Variants in SEC14L2 observed in about 807,000 individuals in gnomAD.
SEC14L2 encodes SEC14 like lipid binding 2.
In SEC14L2, 50 loss-of-function variants were observed where a neutral mutation model predicts 56.9. The ratio of observed to expected loss-of-function variants is 0.88; its 90% CI spans 0.70 to 1.11. SEC14L2 has a LOEUF of 1.11. Ranked by LOEUF, SEC14L2 falls within the 50% of genes most tolerant of loss-of-function variation. SEC14L2 has a pLI of 0.00. For missense variants in SEC14L2, 414 were observed against 500.7 expected (o/e 0.83, Z 1.65); for synonymous variants, 179 against 188.5 (o/e 0.95, Z 0.41).
At chr22:30,402,986 G>A (rs1437226055) in intron 2 of SEC14L2, among the ~76,000 whole-genome samples, 1 of 152,034 alleles carries the variant, frequency 6.6e-6, no homozygotes, top group East Asian at 1.9e-4. Flanking sequence ...AGGCCGAGGT[G>A]GGAAGTCACT....
At chr22:30,420,333 G>A (rs908622456) in intron 11 of SEC14L2, among the ~76,000 whole-genome samples, 1 of 152,166 alleles carries the variant, frequency 6.6e-6, no homozygotes, top group Admixed American at 6.5e-5. Flanking sequence ...AGGGTGTCTG[G>A]GGGCTCTGTG....
At chr22:30,409,354 C>T in intron 6 of SEC14L2, 72 bp downstream of exon 6, 1 of 1,604,088 alleles carries the variant, frequency 6.2e-7, no homozygotes, top group Non-Finnish European at 8.5e-7. Flanking sequence ...CCTAGGCTGT[C>T]CTGTGGGATG....
Position 30,422,490 on chromosome 22 carries a change from C to A in SEC14L2, c.*83C>A. The A allele has an allele frequency of 6.4e-7, 1 of 1,552,062 alleles. No individual in the cohort carries two copies. Among genetic ancestry groups the A allele is most frequent in the East Asian group, 2.3e-5 (1 of 44,274 alleles). On this transcript the variant is annotated 3_prime_UTR_variant, in exon 12 of 12. Transcript: ENST00000615189. The stretch of plus-strand genomic sequence containing the variant: ...TTGTAGCAGTCATTTTCGCACAACC[C>A]TGAAGCCCAAAGAAACTGGGCTGGA...
chr22:30,399,513 C>CAAAAAAAAAAA (rs60817387), intron 1 of SEC14L2, 130 bp from the exon 2 acceptor site: 32 of 242,838 alleles, frequency 1.3e-4, no homozygotes, highest in Admixed American at 2.9e-4. Flanking sequence ...GACTCTATCT[C>CAAAAAAAAAAA]AAAAAAAAAA....
At position 30,423,720 on chromosome 22, in the gene SEC14L2, G is replaced by C. The variant is rs1353583893; in HGVS notation, c.*1313G>C. On this transcript the variant is annotated 3_prime_UTR_variant, in exon 12 of 12. Coordinates refer to ENST00000615189, the MANE Select transcript of SEC14L2 (RefSeq NM_012429.5). ...GGAGCTCAGGGCAAAGGCCAGGCTA[G>C]CGCGGACCGGAAGGGGCCGAGGCTG... The C allele has an allele frequency of 6.6e-6, 1 of 152,348 alleles. No homozygotes were observed. 9.4% of individuals were successfully genotyped at this position (152,348 alleles called of 1,614,324 possible).
Position 30,424,399 on chromosome 22 carries a change from C to T in SEC14L2, c.*1992C>T, listed in dbSNP as rs1473923816. The T allele has an allele frequency of 3.2e-6, 1 of 314,786 alleles. No homozygotes were observed. The highest frequency in any genetic ancestry group is 6.2e-6 in the Non-Finnish European group (1 of 160,054). 19.5% of individuals were successfully genotyped at this position (314,786 alleles called of 1,614,324 possible). A position where few individuals can be genotyped will look rare whatever the true frequency, so the allele number is the denominator to read the frequency against. On this transcript the variant is annotated 3_prime_UTR_variant, in exon 12 of 12. Transcript: ENST00000615189. The stretch of plus-strand genomic sequence containing the variant: ...TAACTGCTGACCGGACTGTCCTATA[C>T]AGCCCTACAAGACAGAGGCGCCTAG...
At chr22:30,413,187 C>G (rs907550063) in intron 8 of SEC14L2, among the ~76,000 whole-genome samples, 1 of 152,150 alleles carries the variant, frequency 6.6e-6, no homozygotes, top group Non-Finnish European at 1.5e-5. Context: ...GGGGAACATC[C>G]GAGCTCAAGA....
intron 8 of SEC14L2, among the ~76,000 whole-genome samples, chr22:30,412,868 C>A (rs1203173780): frequency 6.9e-6 from 1 of 144,814 alleles, no homozygotes; most frequent in Admixed American, 6.9e-5. Flanking sequence ...ACAAAAAAAA[C>A]TTATATAGAA....
intron 2 of SEC14L2, among the ~76,000 whole-genome samples, chr22:30,405,675 CTT>C (rs1174264970): frequency 6.6e-6 from 1 of 152,010 alleles, no homozygotes; most frequent in Non-Finnish European, 1.5e-5. Flanking sequence ...CTATATTCAT[CTT>C]TGTTTTTTGT....
In SEC14L2 at chr22:30,422,394, G is replaced by A; in HGVS notation, c.1199G>A (p.Gly400Asp). 6.2e-7 allele frequency: 1 copy of A among 1,614,110 alleles called. No individual in the cohort carries two copies. The highest frequency in any genetic ancestry group is 8.5e-7 in the Non-Finnish European group (1 of 1,179,998). The change falls in exon 12 of 12, where the codon GGC (glycine) becomes GAC (aspartate). Residue 400 changes from glycine to aspartate, a missense_variant. Coordinates refer to ENST00000615189, the MANE Select transcript of SEC14L2 (RefSeq NM_012429.5). ...GAGAAGATGAAACAGCTGGGGGCAG[G>A]CACCCCGAAATAACACCTTCTCCTA... ...SEEKMKQLGA[G>D]TPK
At chr22:30,415,648 G>T in intron 8 of SEC14L2, 111 bp from the exon 9 acceptor site, 1 of 820,426 alleles carries the variant, frequency 1.2e-6, no homozygotes, top group Non-Finnish European at 2.0e-6. Context: ...GGGTGTTGTG[G>T]GGTGCAATGG....
intron 1 of SEC14L2, among the ~76,000 whole-genome samples, chr22:30,398,124 G>A (rs1334283719): frequency 1.3e-5 from 2 of 152,326 alleles, no homozygotes; most frequent in African/African-American, 4.8e-5. Flanking sequence ...GGAGGCACCA[G>A]CTCCATAAAG....
intron 8 of SEC14L2, among the ~76,000 whole-genome samples, chr22:30,415,418 G>A (rs917703299): frequency 6.6e-6 from 1 of 152,176 alleles, no homozygotes. Flanking sequence ...AGGCAACAGG[G>A]TGAGACTCTG....
intron 3 of SEC14L2, among the ~76,000 whole-genome samples, 162 bp from the exon 4 acceptor site, chr22:30,406,933 G>C (rs952225884): frequency 6.6e-5 from 10 of 152,058 alleles, no homozygotes; most frequent in African/African-American, 2.4e-4. Flanking sequence ...TCTATTTTTA[G>C]TAGGGACGGG....
chr22:30,397,671 C>T (rs1007760042), intron 1 of SEC14L2: 12 of 338,746 alleles, frequency 3.5e-5, no homozygotes, highest in African/African-American at 1.5e-4. Flanking sequence ...CTGCCCTTCT[C>T]TTTGCTCCTC....
chr22:30,413,168 CAGA>C (rs1934298050), intron 8 of SEC14L2, among the ~76,000 whole-genome samples: 1 of 152,182 alleles, frequency 6.6e-6, no homozygotes, highest in Non-Finnish European at 1.5e-5. Flanking sequence ...GGAACAGAGG[CAGA>C]ACCCTGGGGA....
At chr22:30,406,505 C>A in intron 3 of SEC14L2, 120 bp downstream of exon 3, 2 of 945,986 alleles carry the variant, frequency 2.1e-6, no homozygotes, top group Non-Finnish European at 1.7e-6. Context: ...TAGCCGACCA[C>A]TGTTGCCTTA....
chr22:30,412,851 A>AC (rs1225536108), intron 8 of SEC14L2, among the ~76,000 whole-genome samples: 14 of 150,606 alleles, frequency 9.3e-5, no homozygotes, highest in South Asian at 4.2e-4. Flanking sequence ...AAAAAAACAA[A>AC]AAAAAAACAA....
intron 1 of SEC14L2, chr22:30,397,901 CAAG>C (rs1468029715): frequency 4.2e-6 from 2 of 470,956 alleles, no homozygotes; most frequent in Non-Finnish European, 8.8e-6. Context: ...GCATCTGTGA[CAAG>C]GAGGGGGCAA....
Sources: gnomAD v4.1 joint callset for allele counts (sites outside exome capture counted in the v4.1 genomes callset) on GRCh38, gnomAD v4.1.1 for gene constraint, MANE v1.5 for transcripts, NCBI Gene and HGNC (gene_info 2026-07-23, HGNC 2026-07-21) for gene names.